LINGO2: variants seen among roughly 807,000 people sequenced by gnomAD.
LINGO2 encodes leucine rich repeat and Ig domain containing 2.
Under a neutral mutation model 30.6 loss-of-function variants are expected in LINGO2, and 14 were observed. The ratio of observed to expected loss-of-function variants is 0.46; its 90% CI spans 0.30 to 0.72. The LOEUF is 0.72. Ranked by LOEUF, LINGO2 falls within the 30% of genes least tolerant of loss-of-function variation. The pLI, the probability that LINGO2 is intolerant of heterozygous loss-of-function variation, is 0.07. For missense variants in LINGO2, 729 were observed against 751.7 expected (o/e 0.97, Z 0.35); for synonymous variants, 317 against 288.5 (o/e 1.10, Z -1.00).
the LINGO2 span, among the ~76,000 whole-genome samples, chr9:29,136,399 T>G: frequency 6.6e-6 from 1 of 152,304 alleles, no homozygotes; most frequent in Admixed American, 6.5e-5. Context: ...ATGTTATCTA[T>G]ACCTCTTGAT....
chr9:28,439,859 C>T (rs1325995105), intron 2 of LINGO2, among the ~76,000 whole-genome samples: 2 of 152,184 alleles, frequency 1.3e-5, no homozygotes, highest in African/African-American at 4.8e-5. Flanking sequence ...ACTTTAAGGT[C>T]TGTCGTATGA....
At chr9:28,236,599 G>A (rs1012400134) in intron 4 of LINGO2, among the ~76,000 whole-genome samples, 1 of 152,100 alleles carries the variant, frequency 6.6e-6, no homozygotes, top group Non-Finnish European at 1.5e-5. Flanking sequence ...CAGAACTAGA[G>A]GTCATTGTGT....
downstream of LINGO2, chr9:27,944,363 T>C (rs1479303888): frequency 6.6e-6 from 1 of 152,180 alleles, no homozygotes; most frequent in Non-Finnish European, 1.5e-5. Flanking sequence ...TGTACACCTA[T>C]GTTGTAAAGC....
chr9:28,809,708 T>C, the LINGO2 span, among the ~76,000 whole-genome samples: 1 of 147,140 alleles, frequency 6.8e-6, no homozygotes, highest in African/African-American at 2.5e-5. Context: ...ATCGTGCCAT[T>C]GTACTCCAGC....
At chr9:28,679,414 A>C in the LINGO2 span, among the ~76,000 whole-genome samples, 1 of 152,082 alleles carries the variant, frequency 6.6e-6, no homozygotes, top group Non-Finnish European at 1.5e-5. Context: ...ATGCATAATC[A>C]ATAAGGATGT....
rs74741813 is a variant in LINGO2 at position 28,177,396 on chromosome 9, G to A, written c.-87+117812C>T. Among the ~76,000 whole-genome samples, 729 of 152,198 alleles carry A rather than the reference G, an allele frequency of 4.8e-3. 6 individuals carry two copies. Among genetic ancestry groups the A allele is most frequent in the African/African-American group, 0.017 (694 of 41,522 alleles). The stretch of plus-strand genomic sequence containing the variant: ...AACTCCTAGGGAAATCCGAATTTAC[G>A]CCTTCTGATTTCTGAAGGTCATATG... On this transcript the variant is annotated intron_variant, in intron 4 of 5. Coordinates refer to ENST00000379992, the Ensembl canonical transcript of LINGO2.
At chr9:27,946,799 T>A (rs1211803651), downstream of LINGO2, among the ~76,000 whole-genome samples, 1 of 152,138 alleles carries the variant, frequency 6.6e-6, no homozygotes, top group East Asian at 1.9e-4. Flanking sequence ...AAAAGTCAAA[T>A]GAAAAATGGC....
intron 2 of LINGO2, among the ~76,000 whole-genome samples, chr9:28,450,298 T>A (rs1444887186): frequency 1.3e-5 from 2 of 152,030 alleles, no homozygotes; most frequent in Non-Finnish European, 2.9e-5. Context: ...ATCTGCCTAC[T>A]CACAAACTTC....
intron 2 of LINGO2, among the ~76,000 whole-genome samples, chr9:28,386,842 T>C (rs892198592): frequency 2.0e-5 from 3 of 152,228 alleles, no homozygotes; most frequent in Admixed American, 2.0e-4. Flanking sequence ...GAAACAGTTA[T>C]ATTTTATATG....
intron 1 of LINGO2, among the ~76,000 whole-genome samples, chr9:28,623,639 G>A (rs10812855): frequency 0.12 from 18,721 of 151,888 alleles, 1,276 homozygotes; most frequent in East Asian, 0.22. Context: ...AATTCCTCCC[G>A]TTTTGTTCTT....
chr9:28,445,861 A>G (rs1378391862), intron 2 of LINGO2, among the ~76,000 whole-genome samples: 1 of 152,192 alleles, frequency 6.6e-6, no homozygotes, highest in Admixed American at 6.5e-5. Context: ...GAAGGGGGAA[A>G]AAAACATGAT....
intron 4 of LINGO2, among the ~76,000 whole-genome samples, chr9:28,183,143 T>C (rs141868092): frequency 0.022 from 3,376 of 152,282 alleles, 69 homozygotes; most frequent in South Asian, 0.099. Context: ...AATGAGATCA[T>C]GTCCTTTGCA....
intron 1 of LINGO2, among the ~76,000 whole-genome samples, chr9:28,598,476 T>TC (rs1825310263): frequency 6.7e-6 from 1 of 149,622 alleles, no homozygotes; most frequent in African/African-American, 2.5e-5. Flanking sequence ...AATAATGATC[T>TC]GCTTATTTTA....
In LINGO2 at chr9:28,079,150, A is replaced by G. The variant is rs2133209552; in HGVS notation, c.-86-66745T>C. The stretch of plus-strand genomic sequence containing the variant: ...TTGAAATACTACTATTAGGCTTTAA[A>G]GCAGGATCAGGTTTTAACACAATCC... On this transcript the variant is annotated intron_variant, in intron 4 of 5. Coordinates refer to ENST00000379992, the Ensembl canonical transcript of LINGO2. Among the ~76,000 whole-genome samples, 2 of 135,438 alleles carry G rather than the reference A, an allele frequency of 1.5e-5. 1 individual carries two copies. The highest frequency in any genetic ancestry group is 7.7e-5 in the African/African-American group (2 of 25,988). The allele number at this position is 135,438 out of a possible 152,430, so 88.9% of individuals were successfully genotyped here.
chr9:28,012,921 G>A lies in LINGO2; in HGVS notation c.-86-516C>T, dbSNP rs1481321538. Reference sequence around the variant, plus strand: ...GGACAGCAGCAGAATCACTTGCAGCGCTTGTTAAGACAGATTCCTGAGCTC... The same window carrying A: ...GGACAGCAGCAGAATCACTTGCAGCACTTGTTAAGACAGATTCCTGAGCTC... On this transcript the variant is annotated intron_variant, in intron 4 of 5. Transcript: ENST00000379992. Among the ~76,000 whole-genome samples the A allele has an allele frequency of 5.3e-5, 8 of 152,134 alleles. No homozygotes were observed. In the East Asian group the frequency reaches 5.8e-4, roughly 11 times the overall value.
At chr9:29,124,141 A>G in the LINGO2 span, among the ~76,000 whole-genome samples, 1 of 152,178 alleles carries the variant, frequency 6.6e-6, no homozygotes, top group Non-Finnish European at 1.5e-5. Context: ...GACAAATCTG[A>G]CAAAAACAAG....
chr9:28,032,809 G>A (rs1005750084), intron 4 of LINGO2, among the ~76,000 whole-genome samples: 1 of 152,160 alleles, frequency 6.6e-6, no homozygotes, highest in Admixed American at 6.5e-5. Context: ...TTCTACTTTG[G>A]TTTGGGTCTA....
intron 4 of LINGO2, among the ~76,000 whole-genome samples, chr9:28,165,623 A>C (rs1338525227): frequency 6.6e-6 from 1 of 152,152 alleles, no homozygotes; most frequent in Non-Finnish European, 1.5e-5. Context: ...TGAACCTGTA[A>C]AGCTTGTGGT....
At chr9:29,032,086 T>C in the LINGO2 span, among the ~76,000 whole-genome samples, 1 of 152,118 alleles carries the variant, frequency 6.6e-6, no homozygotes, top group African/African-American at 2.4e-5. Context: ...AAGGGAAACT[T>C]GTAGAGTAGT....
Sources: gnomAD v4.1 joint callset for allele counts (sites outside exome capture counted in the v4.1 genomes callset) on GRCh38, gnomAD v4.1.1 for gene constraint, MANE v1.5 for transcripts, NCBI Gene and HGNC (gene_info 2026-07-23, HGNC 2026-07-21) for gene names.